The following NRG1 variants were observed in gnomAD, a reference collection of about 807,000 sequenced individuals.
The protein encoded by NRG1 is neuregulin 1.
Under a neutral mutation model 63.8 loss-of-function variants are expected in NRG1, and 18 were observed. The observed-to-expected ratio is 0.28, with a 90% CI of 0.19 to 0.42. The LOEUF is 0.42. Ranked by LOEUF, NRG1 falls within the 10% of genes least tolerant of loss-of-function variation. The pLI, the probability that NRG1 is intolerant of heterozygous loss-of-function variation, is 1.00. For missense variants in NRG1, 762 were observed against 814.7 expected (o/e 0.94, Z 0.79); for synonymous variants, 302 against 301.3 (o/e 1.00, Z -0.02).
intron 1 of NRG1, among the ~76,000 whole-genome samples, chr8:31,767,985 A>G (rs1031048445): frequency 8.5e-5 from 13 of 152,168 alleles, no homozygotes; most frequent in Non-Finnish European, 1.9e-4. Flanking sequence ...AACAATTGAC[A>G]CAAGAACAAG....
intron 1 of NRG1, among the ~76,000 whole-genome samples, chr8:32,588,027 T>G (rs896479734): frequency 3.3e-5 from 5 of 152,146 alleles, no homozygotes; most frequent in African/African-American, 1.2e-4. Flanking sequence ...GTTCAAATGA[T>G]TCTCGTGCCT....
At chr8:32,299,025 C>CAAAAAAAAAAAAAAAAAAAAAAA (rs34799826) in intron 1 of NRG1, among the ~76,000 whole-genome samples, 1 of 59,574 alleles carries the variant, frequency 1.7e-5, no homozygotes, top group Non-Finnish European at 3.3e-5. Flanking sequence ...GACTCTATCT[C>CAAAAAAAAAAAAAAAAAAAAAAA]AAAAAAAAAA....
intron 1 of NRG1, among the ~76,000 whole-genome samples, chr8:31,793,154 G>GT (rs1410818102): frequency 1.3e-5 from 2 of 152,108 alleles, no homozygotes; most frequent in African/African-American, 4.8e-5. Flanking sequence ...CTCAAGGTCT[G>GT]TTTTTTCAAA....
chr8:32,748,319 G>A (rs529052880), intron 7 of NRG1, among the ~76,000 whole-genome samples: 3 of 146,340 alleles, frequency 2.1e-5, no homozygotes, highest in Admixed American at 7.0e-5. Context: ...ACACATAGGC[G>A]CATGTACACG....
At chr8:32,054,539 C>A in intron 1 of NRG1, among the ~76,000 whole-genome samples, 1 of 152,276 alleles carries the variant, frequency 6.6e-6, no homozygotes, top group East Asian at 1.9e-4. Context: ...ATTGTTAAAG[C>A]ATTTAGATGA....
At chr8:32,080,864 G>A (rs1185630482) in intron 1 of NRG1, among the ~76,000 whole-genome samples, 1 of 151,598 alleles carries the variant, frequency 6.6e-6, no homozygotes, top group Non-Finnish European at 1.5e-5. Flanking sequence ...TCACAATTAT[G>A]GAGACTGGCA....
Position 32,367,042 on chromosome 8 carries a change from T to C in NRG1, c.38-228786T>C, listed in dbSNP as rs554114376. Among the ~76,000 whole-genome samples, 3 of 152,230 alleles carry C rather than the reference T, an allele frequency of 2.0e-5. No homozygotes were observed. In the East Asian group the frequency reaches 5.8e-4, roughly 29 times the overall value. ...TTTTCTTTATCCATTCATCCATTGATGGACATTTAGGTTGCTTCCATATCT... is the reference window on the plus strand; with the variant it reads ...TTTTCTTTATCCATTCATCCATTGACGGACATTTAGGTTGCTTCCATATCT... On this transcript the variant is annotated intron_variant, in intron 1 of 10. Coordinates refer to the NRG1 transcript ENST00000519301.
chr8:32,353,837 A>G (rs1476543289), intron 1 of NRG1, among the ~76,000 whole-genome samples: 1 of 152,228 alleles, frequency 6.6e-6, no homozygotes, highest in Non-Finnish European at 1.5e-5. Context: ...AAGAGAAATG[A>G]AAGCCTATGT....
At chr8:32,064,998 G>A (rs1470749317) in intron 1 of NRG1, among the ~76,000 whole-genome samples, 26 of 152,044 alleles carry the variant, frequency 1.7e-4, no homozygotes, top group Non-Finnish European at 1.5e-5. Context: ...TACATTGGGG[G>A]ATAGTCTTGT....
At chr8:31,818,846 A>G (rs990198077) in intron 1 of NRG1, among the ~76,000 whole-genome samples, 1 of 152,138 alleles carries the variant, frequency 6.6e-6, no homozygotes, top group Non-Finnish European at 1.5e-5. Flanking sequence ...TCACGAGGTC[A>G]GGATATCGAG....
At chr8:32,599,786 G>A (rs1844005697) in intron 2 of NRG1, among the ~76,000 whole-genome samples, 3 of 152,052 alleles carry the variant, frequency 2.0e-5, no homozygotes, top group Admixed American at 2.0e-4. Context: ...ATTAAAGACT[G>A]GCTTCCTATT....
chr8:32,180,558 G>A (rs777927032), intron 1 of NRG1, among the ~76,000 whole-genome samples: 3 of 152,054 alleles, frequency 2.0e-5, no homozygotes, highest in African/African-American at 4.8e-5. Flanking sequence ...CAGTATGTCT[G>A]TGGTTTCTAT....
chr8:31,746,840 G>A (rs923381481), intron 1 of NRG1, among the ~76,000 whole-genome samples: 3 of 151,874 alleles, frequency 2.0e-5, no homozygotes, highest in Admixed American at 6.6e-5. Flanking sequence ...CACAGAAGGA[G>A]GTCTTGTTAT....
At chr8:31,871,115 T>G (rs1829442588) in intron 1 of NRG1, among the ~76,000 whole-genome samples, 1 of 152,052 alleles carries the variant, frequency 6.6e-6, no homozygotes, top group African/African-American at 2.4e-5. Flanking sequence ...TAGCTGGGAT[T>G]ACAGGTACGT....
At chr8:31,953,843 A>G (rs1272971816) in intron 1 of NRG1, among the ~76,000 whole-genome samples, 3 of 152,206 alleles carry the variant, frequency 2.0e-5, no homozygotes, top group Non-Finnish European at 4.4e-5. Flanking sequence ...CAAGAAGGTG[A>G]TGTCGCACAC....
intron 1 of NRG1, among the ~76,000 whole-genome samples, chr8:32,504,919 GA>G (rs1828343254): frequency 6.6e-6 from 1 of 152,134 alleles, no homozygotes; most frequent in Admixed American, 6.6e-5. Flanking sequence ...TTTTGGGCTG[GA>G]AATCAAAGTT....
At chr8:31,877,503 A>C (rs1428689298) in intron 1 of NRG1, among the ~76,000 whole-genome samples, 1 of 151,790 alleles carries the variant, frequency 6.6e-6, no homozygotes, top group Non-Finnish European at 1.5e-5. Context: ...GTGTGTATGA[A>C]ATAGATAATA....
chr8:32,222,189 T>G (rs1016212083), intron 1 of NRG1, among the ~76,000 whole-genome samples: 2 of 152,140 alleles, frequency 1.3e-5, no homozygotes, highest in Admixed American at 1.3e-4. Context: ...TGATACTACT[T>G]CATTTCATAT....
chr8:32,152,200 A>G (rs900909723), intron 1 of NRG1, among the ~76,000 whole-genome samples: 1 of 152,224 alleles, frequency 6.6e-6, no homozygotes, highest in African/African-American at 2.4e-5. Context: ...TGTGGTCTTC[A>G]TAGGGAGATA....
Sources: allele counts gnomAD v4.1 joint callset (sites outside exome capture counted in the v4.1 genomes callset), GRCh38; gene constraint gnomAD v4.1.1; transcripts MANE v1.5; gene names NCBI Gene and HGNC (gene_info 2026-07-23, HGNC 2026-07-21).